Variants in LRRC8C observed in about 807,000 individuals in gnomAD.
LRRC8C encodes the protein volume-regulated anion channel subunit LRRC8C.
LRRC8C carries 20 observed loss-of-function variants against 55.3 expected under a neutral mutation model. The ratio of observed to expected loss-of-function variants is 0.36; its 90% confidence interval spans 0.25 to 0.53. The LOEUF (loss-of-function observed/expected upper bound fraction) is 0.53. Ranked by LOEUF, LRRC8C falls within the 20% of genes least tolerant of loss-of-function variation. The pLI is 0.92. For missense variants in LRRC8C, 659 were observed against 951.4 expected (o/e 0.69, Z 4.04); for synonymous variants, 376 against 360.7 (o/e 1.04, Z -0.48).
rs540380274 is a variant in LRRC8C, at chr1:89,685,179, C to T, written c.-4-1291C>T. 2.0e-4 allele frequency among the ~76,000 whole-genome samples: 28 copies of T among 137,728 alleles called. 1 individual carries two copies. Among genetic ancestry groups the T allele is most frequent in the South Asian group, 4.7e-4 (2 of 4,234 alleles). The allele number at this position is 137,728 out of a possible 152,430, so 90.4% of individuals were successfully genotyped here. ...CAGGCCGGACTGCGGACTGCAGTGGCGCAATCTCGGCTCACTGCAAGCTCC... is the reference window on the plus strand; with the variant it reads ...CAGGCCGGACTGCGGACTGCAGTGGTGCAATCTCGGCTCACTGCAAGCTCC... On this transcript the variant is annotated intron_variant, in intron 1 of 2. Coordinates refer to ENST00000370454, the MANE Select transcript of LRRC8C (RefSeq NM_032270.5).
intron 1 of LRRC8C, among the ~76,000 whole-genome samples, chr1:89,640,488 T>G (rs143844852): frequency 7.3e-4 from 111 of 152,370 alleles, no homozygotes; most frequent in Non-Finnish European, 1.4e-3. Flanking sequence ...GAAAGATATA[T>G]CCTATAAATG....
At chr1:89,681,659 A>G (rs181258136) in intron 1 of LRRC8C, among the ~76,000 whole-genome samples, 135 of 152,214 alleles carry the variant, frequency 8.9e-4, no homozygotes, top group African/African-American at 3.0e-3. Flanking sequence ...AAACCACCAG[A>G]TCTCATGAGA....
chr1:89,616,104 T>A, the LRRC8C span, among the ~76,000 whole-genome samples: 1 of 152,160 alleles, frequency 6.6e-6, no homozygotes, highest in Non-Finnish European at 1.5e-5. Flanking sequence ...TTGTGCCCTG[T>A]CCTACTCCCT....
chr1:89,685,346 A>G (rs1295955991), intron 1 of LRRC8C, among the ~76,000 whole-genome samples: 1 of 144,224 alleles, frequency 6.9e-6, no homozygotes, highest in Non-Finnish European at 1.5e-5. Context: ...TGATCTCCTG[A>G]CCTCATGATC....
At chr1:89,694,367 T>TG (rs980292110) in intron 2 of LRRC8C, among the ~76,000 whole-genome samples, 14 of 152,158 alleles carry the variant, frequency 9.2e-5, no homozygotes, top group African/African-American at 1.2e-4. Context: ...AGATAAGACT[T>TG]GTGGGGCATG....
At chr1:89,633,109 G>A (rs1410581301), upstream of LRRC8C, 2 of 152,026 alleles carry the variant, frequency 1.3e-5, no homozygotes, top group Non-Finnish European at 2.9e-5. Context: ...GAGGGCTTGC[G>A]GGGCTGGGGC....
chr1:89,659,055 TTTTTTTTGTGTGTGTGTGTGTGTGTG>T (rs1433008216), intron 1 of LRRC8C, among the ~76,000 whole-genome samples: 13 of 110,936 alleles, frequency 1.2e-4, no homozygotes, highest in African/African-American at 3.3e-4. Context: ...CAGGTTTTTT[TTTTTTTTGTGTGTGTGTGTGTGTGTG>T]TGTGTGTGTG....
intron 1 of LRRC8C, among the ~76,000 whole-genome samples, chr1:89,671,453 T>G (rs1162249913): frequency 6.7e-6 from 1 of 149,856 alleles, no homozygotes; most frequent in Non-Finnish European, 1.5e-5. Flanking sequence ...GAATTCTAGG[T>G]GGATTTCGAG....
intron 2 of LRRC8C, among the ~76,000 whole-genome samples, chr1:89,706,766 T>G (rs1366149380): frequency 6.6e-6 from 1 of 152,146 alleles, no homozygotes. Flanking sequence ...TGGCCTATGC[T>G]TCCCTTGAAA....
At chr1:89,683,921 A>C (rs573457781) in intron 1 of LRRC8C, among the ~76,000 whole-genome samples, 31 of 152,346 alleles carry the variant, frequency 2.0e-4, no homozygotes, top group African/African-American at 6.3e-4. Flanking sequence ...TTGCAGAAGC[A>C]GATATATCTT....
chr1:89,679,612 T>C lies in LRRC8C; in HGVS notation c.-4-6858T>C, dbSNP rs760581891. On this transcript the variant is annotated intron_variant, in intron 1 of 2. Transcript: ENST00000370454. ...GAACTGACCATTGGATTTAACAACA[T>C]AGATGAGCAATACACATGGGTTTCT... is the stretch of plus-strand genomic sequence containing the variant. Among the ~76,000 whole-genome samples the C allele has an allele frequency of 3.0e-4, 46 of 152,270 alleles. No individual in the cohort carries two copies. In the Middle Eastern group the frequency reaches 0.01, roughly 34 times the overall value.
chr1:89,718,644 A>G lies in LRRC8C; in HGVS notation c.*3662A>G, dbSNP rs934498601. 1 of 152,228 alleles carries G rather than the reference A, an allele frequency of 6.6e-6. No individual in the cohort carries two copies. Among genetic ancestry groups the G allele is most frequent in the African/African-American group, 2.4e-5 (1 of 41,470 alleles). 9.4% of individuals were successfully genotyped at this position (152,228 alleles called of 1,614,324 possible). A position where few individuals can be genotyped will look rare whatever the true frequency, so the allele number is the denominator to read the frequency against. On this transcript the variant is annotated 3_prime_UTR_variant, in exon 3 of 3. Coordinates refer to ENST00000370454, the MANE Select transcript of LRRC8C (RefSeq NM_032270.5). ...CAGCAAAGATTCCTAATCCATCATTATGAAAAGTGTCAGCATACTTAGTAG... is the reference window on the plus strand; with the variant it reads ...CAGCAAAGATTCCTAATCCATCATTGTGAAAAGTGTCAGCATACTTAGTAG...
intron 2 of LRRC8C, among the ~76,000 whole-genome samples, chr1:89,702,219 A>G (rs1658352019): frequency 6.6e-6 from 1 of 152,142 alleles, no homozygotes; most frequent in African/African-American, 2.4e-5. Flanking sequence ...CTGGGTGCAG[A>G]AAACCACAAA....
chr1:89,680,812 C>T (rs1363323435), intron 1 of LRRC8C, among the ~76,000 whole-genome samples: 4 of 151,942 alleles, frequency 2.6e-5, no homozygotes, highest in South Asian at 2.1e-4. Context: ...CCACCCACCT[C>T]GGCCTCCCAA....
At chr1:89,712,076 G>A (rs1269249262) in intron 2 of LRRC8C, among the ~76,000 whole-genome samples, 2 of 152,158 alleles carry the variant, frequency 1.3e-5, no homozygotes, top group African/African-American at 4.8e-5. Flanking sequence ...ATACTTCCCA[G>A]ACTGATGACT....
intron 1 of LRRC8C, among the ~76,000 whole-genome samples, chr1:89,652,761 A>G (rs10922685): frequency 0.56 from 85,215 of 151,908 alleles, 24,215 homozygotes; most frequent in East Asian, 0.79. Context: ...GGGTAAACAA[A>G]TATACAAGTG....
At chr1:89,653,021 C>T (rs910794418) in intron 1 of LRRC8C, among the ~76,000 whole-genome samples, 2 of 152,038 alleles carry the variant, frequency 1.3e-5, no homozygotes, top group Non-Finnish European at 2.9e-5. Context: ...GGAGAGTGGT[C>T]GTTAAGAGAG....
chr1:89,624,259 T>C, the LRRC8C span, among the ~76,000 whole-genome samples: 2 of 152,226 alleles, frequency 1.3e-5, no homozygotes, highest in Non-Finnish European at 2.9e-5. Flanking sequence ...AGAAAGACAT[T>C]ATCTCTATCT....
chr1:89,649,453 G>A (rs1387410604), intron 1 of LRRC8C, among the ~76,000 whole-genome samples: 7 of 152,084 alleles, frequency 4.6e-5, no homozygotes, highest in Non-Finnish European at 7.4e-5. Flanking sequence ...TGATCTGTAC[G>A]TCATCTGTTA....
Sources: gnomAD v4.1 joint callset for allele counts (sites outside exome capture counted in the v4.1 genomes callset) on GRCh38, gnomAD v4.1.1 for gene constraint, MANE v1.5 for transcripts, NCBI Gene and HGNC (gene_info 2026-07-23, HGNC 2026-07-21) for gene names.